HDHD2: variants seen among roughly 807,000 people sequenced by gnomAD.
HDHD2 encodes haloacid dehalogenase like hydrolase domain containing 2.
Under a neutral mutation model 24.8 loss-of-function variants are expected in HDHD2, and 26 were observed. That is an observed-to-expected ratio of 1.05 (90% confidence interval 0.77 to 1.45). The LOEUF is 1.45. Ranked by LOEUF, HDHD2 falls within the 40% of genes most tolerant of loss-of-function variation. HDHD2 has a pLI of 0.00. For missense variants in HDHD2, 299 were observed against 313.4 expected, an observed-to-expected ratio of 0.95 and a Z score of 0.35; for synonymous variants, 128 against 114.9, an observed-to-expected ratio of 1.11 and a Z score of -0.73.
chr18:47,125,177 C>G (rs1343126493), intron 4 of HDHD2, among the ~76,000 whole-genome samples: 1 of 149,816 alleles, frequency 6.7e-6, no homozygotes, highest in Admixed American at 6.7e-5. Flanking sequence ...AAAATAACAA[C>G]AAAAAAAAAC....
Position 47,115,168 on chromosome 18 carries a change from A to C in HDHD2, c.576T>G (p.Thr192=). 1 of 1,613,820 alleles carries C rather than the reference A, an allele frequency of 6.2e-7. No homozygotes were observed. Among genetic ancestry groups the C allele is most frequent in the Non-Finnish European group, 8.5e-7 (1 of 1,179,856 alleles). The change falls in exon 5 of 7, where the codon ACT becomes ACG. Residue 192 remains threonine, a synonymous_variant. Coordinates refer to ENST00000300605, the MANE Select transcript of HDHD2 (RefSeq NM_032124.5). ...KTFFLEALRG[T]GCEPEEAVMI... ...TGACAGCCTCCTCAGGTTCACAGCC[A>C]GTGCCCCGCAATGCTTCCAAAAAGA...
intron 4 of HDHD2, among the ~76,000 whole-genome samples, chr18:47,129,958 G>A (rs1400020062): frequency 1.3e-5 from 2 of 152,040 alleles, no homozygotes; most frequent in Admixed American, 1.3e-4. Flanking sequence ...TCTGAGCCTG[G>A]GGAGATCGAG....
chr18:47,117,788 G>A (rs898323473), intron 4 of HDHD2, among the ~76,000 whole-genome samples: 3 of 152,026 alleles, frequency 2.0e-5, no homozygotes, highest in African/African-American at 7.2e-5. Flanking sequence ...ACCAGCCAGA[G>A]AGACTCCATC....
chr18:47,113,156 A>G lies in HDHD2; in HGVS notation c.613-116T>C, dbSNP rs958347053. 27 of 816,200 alleles carry G rather than the reference A, an allele frequency of 3.3e-5. 1 individual carries two copies. The African/African-American group carries it at 4.5e-4, about 14-fold the overall frequency. 50.6% of individuals were successfully genotyped at this position (816,200 alleles called of 1,614,324 possible). A position where few individuals can be genotyped will look rare whatever the true frequency, so the allele number is the denominator to read the frequency against. ...AACTGTAATGCCATGTTTTTTATTGAAATAGAAAAGAGAAGATGTAAAAGG... is the reference window on the plus strand; with the variant it reads ...AACTGTAATGCCATGTTTTTTATTGGAATAGAAAAGAGAAGATGTAAAAGG... On this transcript the variant is annotated intron_variant, in intron 5 of 6. Coordinates refer to ENST00000300605, the MANE Select transcript of HDHD2 (RefSeq NM_032124.5).
chr18:47,144,820 GAAAAGAAA>G (rs1568063408), intron 1 of HDHD2, among the ~76,000 whole-genome samples: 7 of 140,528 alleles, frequency 5.0e-5, no homozygotes, highest in East Asian at 2.1e-4. Flanking sequence ...AAAAAGAAAA[GAAAAGAAA>G]AAAAGAAAAA....
intron 1 of HDHD2, among the ~76,000 whole-genome samples, chr18:47,137,967 G>A (rs1418343840): frequency 1.3e-5 from 2 of 151,536 alleles, no homozygotes; most frequent in Admixed American, 6.6e-5. Context: ...AGGAGTTCGA[G>A]ACCAGCGTGG....
intron 4 of HDHD2, among the ~76,000 whole-genome samples, chr18:47,116,316 T>G (rs896831658): frequency 1.3e-5 from 2 of 152,332 alleles, no homozygotes; most frequent in Non-Finnish European, 1.5e-5. Context: ...TAATTTACTT[T>G]AAGTCATCTA....
intron 4 of HDHD2, among the ~76,000 whole-genome samples, chr18:47,124,728 A>AAAC (rs150762794): frequency 6.7e-5 from 10 of 149,258 alleles, no homozygotes; most frequent in African/African-American, 2.5e-4. Flanking sequence ...AAAAAAAAAA[A>AAAC]CAACTTTGAC....
chr18:47,109,960 T>TGGAGGGAAGAAGAGAGG, intron 6 of HDHD2: 1 of 984,906 alleles, frequency 1.0e-6, no homozygotes, highest in Non-Finnish European at 1.2e-6. Context: ...AAAGAATGAA[T>TGGAGGGAAGAAGAGAGG]GGAGGGAAGA....
In HDHD2 at chr18:47,132,483, T is replaced by G. The variant is rs181640789; in HGVS notation, c.310+2013A>C. Reference sequence around the variant, plus strand: ...TACAAGTGCTGCTTCATATGTAATTTTGCTAGCTACTGCCAAATTCCTCTC... The same window carrying G: ...TACAAGTGCTGCTTCATATGTAATTGTGCTAGCTACTGCCAAATTCCTCTC... On this transcript the variant is annotated intron_variant, in intron 3 of 6. Coordinates refer to ENST00000300605, the MANE Select transcript of HDHD2 (RefSeq NM_032124.5). 1.8e-3 allele frequency among the ~76,000 whole-genome samples: 271 copies of G among 152,358 alleles called. 1 individual carries two copies. The highest frequency in any genetic ancestry group is 3.5e-3 in the East Asian group (18 of 5,184).
intron 6 of HDHD2, chr18:47,110,044 T>C: frequency 1.0e-6 from 1 of 985,436 alleles, no homozygotes; most frequent in Non-Finnish European, 1.2e-6. Flanking sequence ...CCCTTCACCT[T>C]TCTCCTTGCT....
chr18:47,127,754 C>A (rs975847729), intron 4 of HDHD2, among the ~76,000 whole-genome samples: 1 of 148,900 alleles, frequency 6.7e-6, no homozygotes, highest in Non-Finnish European at 1.5e-5. Flanking sequence ...CAATTCCGTT[C>A]AGGCATTTAA....
chr18:47,116,142 C>T (rs1405311353), intron 4 of HDHD2, among the ~76,000 whole-genome samples: 1 of 152,206 alleles, frequency 6.6e-6, no homozygotes, highest in South Asian at 2.1e-4. Flanking sequence ...ATTTAATACT[C>T]ATTTTCCAAC....
At chr18:47,130,917 T>C (rs1323677776) in intron 3 of HDHD2, among the ~76,000 whole-genome samples, 2 of 152,226 alleles carry the variant, frequency 1.3e-5, no homozygotes. Flanking sequence ...CTTGGCATCT[T>C]ATAACAGAAC....
chr18:47,136,870 C>G (rs1297711282), intron 1 of HDHD2: 2 of 390,718 alleles, frequency 5.1e-6, no homozygotes, highest in Non-Finnish European at 9.3e-6. Flanking sequence ...TGCAAATATT[C>G]TCATCGCCCT....
intron 4 of HDHD2, among the ~76,000 whole-genome samples, chr18:47,116,403 C>T (rs1020346776): frequency 3.9e-5 from 6 of 152,104 alleles, no homozygotes; most frequent in Admixed American, 1.3e-4. Flanking sequence ...AGTAATTAAG[C>T]GCTCAACTAT....
chr18:47,110,295 G>A (rs2063505192), intron 6 of HDHD2: 1 of 985,198 alleles, frequency 1.0e-6, no homozygotes, highest in African/African-American at 1.7e-5. Flanking sequence ...AGCATCAAAT[G>A]TACAAAGGTA....
chr18:47,120,304 G>A (rs2063593839), intron 4 of HDHD2, among the ~76,000 whole-genome samples: 1 of 152,256 alleles, frequency 6.6e-6, no homozygotes, highest in African/African-American at 2.4e-5. Flanking sequence ...ATAACATGCT[G>A]TAGCTTCTAC....
intron 1 of HDHD2, among the ~76,000 whole-genome samples, chr18:47,138,610 T>C (rs1472090603): frequency 6.6e-6 from 1 of 152,222 alleles, no homozygotes; most frequent in African/African-American, 2.4e-5. Flanking sequence ...AGATTTCTTA[T>C]CAAAGTGGGC....
Sources: allele counts gnomAD v4.1 joint callset (sites outside exome capture counted in the v4.1 genomes callset), GRCh38; gene constraint gnomAD v4.1.1; transcripts MANE v1.5; gene names NCBI Gene and HGNC (gene_info 2026-07-23, HGNC 2026-07-21).